ASTN2: variants seen among roughly 807,000 people sequenced by gnomAD.
ASTN2 encodes the protein astrotactin-2.
A neutral mutation model predicts 139.8 loss-of-function variants in ASTN2; 54 were observed. The ratio of observed to expected loss-of-function variants is 0.39; its 90% CI spans 0.31 to 0.48. ASTN2 has a LOEUF of 0.48. Ranked by LOEUF, ASTN2 falls within the 20% of genes least tolerant of loss-of-function variation. The probability of loss-of-function intolerance (pLI) is 0.95; values close to 1 mark genes in which losing one functional copy is unlikely to be tolerated. For missense variants in ASTN2, 1,565 were observed against 1,725.1 expected (o/e 0.91, Z 1.64); for synonymous variants, 756 against 719.5 (o/e 1.05, Z -0.81).
intron 13 of ASTN2, among the ~76,000 whole-genome samples, chr9:116,736,136 G>A (rs1341950875): frequency 6.6e-6 from 1 of 152,186 alleles, no homozygotes; most frequent in Non-Finnish European, 1.5e-5. Context: ...TCAAAATTGA[G>A]TAATATATTG....
At chr9:116,470,588 T>C (rs11793291) in intron 20 of ASTN2, among the ~76,000 whole-genome samples, 1 of 152,194 alleles carries the variant, frequency 6.6e-6, no homozygotes, top group Non-Finnish European at 1.5e-5. Context: ...TTTAGAATGG[T>C]GCCTGGTATA....
chr9:116,458,718 T>C (rs1324531681), intron 20 of ASTN2, among the ~76,000 whole-genome samples: 1 of 151,872 alleles, frequency 6.6e-6, no homozygotes, highest in Non-Finnish European at 1.5e-5. Context: ...GCATAAGACT[T>C]GAACACTAAA....
At chr9:116,581,249 G>A (rs1853939320) in intron 19 of ASTN2, among the ~76,000 whole-genome samples, 1 of 152,124 alleles carries the variant, frequency 6.6e-6, no homozygotes, top group Non-Finnish European at 1.5e-5. Flanking sequence ...ATGGCAACAT[G>A]GCATTTTGGA....
chr9:116,593,801 T>C (rs1470098012), intron 19 of ASTN2, among the ~76,000 whole-genome samples: 1 of 152,224 alleles, frequency 6.6e-6, no homozygotes, highest in Non-Finnish European at 1.5e-5. Flanking sequence ...TCTTGCTTTA[T>C]GCTCTTCCAT....
At chr9:116,504,098 G>T (rs528350496) in intron 19 of ASTN2, among the ~76,000 whole-genome samples, 2 of 152,172 alleles carry the variant, frequency 1.3e-5, no homozygotes, top group Admixed American at 1.3e-4. Context: ...GACTATTACT[G>T]CTAGCCTATA....
intron 16 of ASTN2, among the ~76,000 whole-genome samples, chr9:116,716,968 G>T (rs1024507089): frequency 1.3e-5 from 2 of 152,192 alleles, no homozygotes; most frequent in Non-Finnish European, 2.9e-5. Context: ...GTTCTCTGAG[G>T]CTGCTGTGGT....
intron 20 of ASTN2, among the ~76,000 whole-genome samples, chr9:116,481,190 G>A (rs758277711): frequency 3.9e-5 from 6 of 151,972 alleles, no homozygotes; most frequent in Non-Finnish European, 8.8e-5. Context: ...GACCAGCCTG[G>A]GCAACATGGC....
chr9:117,347,333 G>A (rs923549271), intron 1 of ASTN2, among the ~76,000 whole-genome samples: 3 of 151,924 alleles, frequency 2.0e-5, no homozygotes, highest in African/African-American at 7.3e-5. Context: ...TGTCAACAAT[G>A]AGAGAGCGCT....
intron 3 of ASTN2, among the ~76,000 whole-genome samples, chr9:117,167,250 C>T (rs567822282): frequency 3.9e-4 from 59 of 151,816 alleles, no homozygotes; most frequent in African/African-American, 1.4e-3. Context: ...ACCTATCATC[C>T]AATGTTGATC....
At chr9:116,538,534 G>A (rs992750760) in intron 19 of ASTN2, among the ~76,000 whole-genome samples, 2 of 152,274 alleles carry the variant, frequency 1.3e-5, no homozygotes, top group African/African-American at 4.8e-5. Flanking sequence ...TAGTTGTGGT[G>A]TTCGACTTGT....
At chr9:116,817,208 C>A (rs1261351785) in intron 12 of ASTN2, among the ~76,000 whole-genome samples, 2 of 151,704 alleles carry the variant, frequency 1.3e-5, no homozygotes, top group Non-Finnish European at 2.9e-5. Context: ...GCAGGATAAT[C>A]GCTTGAACCC....
At chr9:116,461,141 C>A (rs927746186) in intron 20 of ASTN2, among the ~76,000 whole-genome samples, 1 of 151,896 alleles carries the variant, frequency 6.6e-6, no homozygotes, top group African/African-American at 2.4e-5. Context: ...GACCATACCC[C>A]AAATGGTACA....
chr9:116,941,166 C>T (rs1256755690), intron 10 of ASTN2, among the ~76,000 whole-genome samples: 1 of 120,660 alleles, frequency 8.3e-6, no homozygotes, highest in Non-Finnish European at 1.8e-5. Flanking sequence ...CTGCAGAAGA[C>T]AACTGAGGAT....
intron 20 of ASTN2, among the ~76,000 whole-genome samples, chr9:116,482,747 A>C (rs1048696256): frequency 6.6e-6 from 1 of 152,138 alleles, no homozygotes; most frequent in South Asian, 2.1e-4. Flanking sequence ...GCTAAGATAG[A>C]GCCTCTGGCC....
chr9:117,107,784 C>A (rs747205801), intron 4 of ASTN2, among the ~76,000 whole-genome samples: 250 of 152,302 alleles, frequency 1.6e-3, no homozygotes, highest in Non-Finnish European at 2.1e-3. Flanking sequence ...TAAATCTGGT[C>A]TTTCCTATCA....
chr9:117,060,436 G>A lies in ASTN2; in HGVS notation c.1277-20471C>T, dbSNP rs201085047. Among the ~76,000 whole-genome samples the A allele has an allele frequency of 1.4e-3, 56 of 41,034 alleles. 4 individuals carry two copies. The highest frequency in any genetic ancestry group is 5.7e-3 in the African/African-American group (39 of 6,866). 26.9% of individuals were successfully genotyped at this position (41,034 alleles called of 152,430 possible). A position where few individuals can be genotyped will look rare whatever the true frequency, so the allele number is the denominator to read the frequency against. ...AAGGAAAGGAAGGAAGGAAGGAAGA[G>A]AGAGAGAGAAAGAAAGAAAGAAAGG... On this transcript the variant is annotated intron_variant, in intron 5 of 22. Transcript: ENST00000313400.
intron 10 of ASTN2, among the ~76,000 whole-genome samples, chr9:116,964,441 T>C (rs1252526349): frequency 1.3e-5 from 2 of 152,140 alleles, no homozygotes; most frequent in African/African-American, 2.4e-5. Context: ...ATTGAAAGTA[T>C]GGCCTGTTTA....
At chr9:117,282,321 G>A (rs915505193) in intron 2 of ASTN2, among the ~76,000 whole-genome samples, 5 of 152,126 alleles carry the variant, frequency 3.3e-5, no homozygotes, top group African/African-American at 4.8e-5. Context: ...AGCTATACAC[G>A]TTCTTATTCT....
intron 3 of ASTN2, among the ~76,000 whole-genome samples, chr9:117,165,684 T>C (rs2132912580): frequency 6.6e-6 from 1 of 152,172 alleles, no homozygotes; most frequent in South Asian, 2.1e-4. Flanking sequence ...ACTATAGATA[T>C]TTAAAATTCC....
Sources: gnomAD v4.1 joint callset for allele counts (sites outside exome capture counted in the v4.1 genomes callset) on GRCh38, gnomAD v4.1.1 for gene constraint, MANE v1.5 for transcripts, NCBI Gene and HGNC (gene_info 2026-07-23, HGNC 2026-07-21) for gene names.